The following OSBPL10 variants were observed in gnomAD, a reference collection of about 807,000 sequenced individuals.
OSBPL10 encodes oxysterol-binding protein-related protein 10.
OSBPL10 carries 49 observed loss-of-function variants against 81.7 expected under a neutral mutation model. That is an observed-to-expected ratio of 0.60 (90% confidence interval 0.48 to 0.76). OSBPL10 has a LOEUF of 0.76. Ranked by LOEUF, OSBPL10 falls within the 30% of genes least tolerant of loss-of-function variation. The pLI is 0.00. For missense variants in OSBPL10, 923 were observed against 987.8 expected, an observed-to-expected ratio of 0.93 and a Z score of 0.88; for synonymous variants, 419 against 383.6, an observed-to-expected ratio of 1.09 and a Z score of -1.08.
intron 6 of OSBPL10, among the ~76,000 whole-genome samples, chr3:31,716,538 A>T (rs1211170115): frequency 6.6e-6 from 1 of 152,160 alleles, no homozygotes; most frequent in Non-Finnish European, 1.5e-5. Context: ...TATGAGGAAC[A>T]GCAGAGAAAA....
At chr3:32,073,129 G>A (rs1189158751) in intron 1 of OSBPL10, among the ~76,000 whole-genome samples, 3 of 152,132 alleles carry the variant, frequency 2.0e-5, no homozygotes, top group African/African-American at 4.8e-5. Flanking sequence ...GCCTGTCCTC[G>A]AGACGCTACA....
intron 1 of OSBPL10, among the ~76,000 whole-genome samples, chr3:32,068,383 C>T (rs569933859): frequency 1.1e-4 from 17 of 152,288 alleles, no homozygotes; most frequent in African/African-American, 3.1e-4. Flanking sequence ...TTTGGCTGCT[C>T]ACCCACATTG....
At chr3:32,070,831 A>G (rs1487621165) in intron 1 of OSBPL10, among the ~76,000 whole-genome samples, 1 of 151,920 alleles carries the variant, frequency 6.6e-6, no homozygotes, top group Non-Finnish European at 1.5e-5. Context: ...TTGATCTTAA[A>G]GATGTTTTTT....
At chr3:31,824,501 G>T (rs533861153) in intron 4 of OSBPL10, among the ~76,000 whole-genome samples, 1 of 152,164 alleles carries the variant, frequency 6.6e-6, no homozygotes, top group African/African-American at 2.4e-5. Flanking sequence ...TCTGCTGACC[G>T]ATGGTTGCTA....
intron 4 of OSBPL10, among the ~76,000 whole-genome samples, chr3:31,754,463 A>T (rs1697826729): frequency 6.6e-6 from 1 of 152,164 alleles, no homozygotes; most frequent in Non-Finnish European, 1.5e-5. Context: ...CAATGTTACA[A>T]AGAAAAAGAA....
intron 5 of OSBPL10, among the ~76,000 whole-genome samples, chr3:31,739,512 A>AATGTAG (rs1281513226): frequency 6.6e-6 from 1 of 152,226 alleles, no homozygotes; most frequent in Non-Finnish European, 1.5e-5. Context: ...TGACATAAAA[A>AATGTAG]ATGTAGGGTC....
chr3:31,993,675 CACACAT>C (rs1418788077), intron 2 of OSBPL10, among the ~76,000 whole-genome samples: 37 of 130,554 alleles, frequency 2.8e-4, no homozygotes, highest in African/African-American at 1.4e-3. Context: ...CATGACTACA[CACACAT>C]ACACACACAC....
chr3:32,005,011 G>C (rs1386965140), intron 2 of OSBPL10, among the ~76,000 whole-genome samples: 2 of 152,224 alleles, frequency 1.3e-5, no homozygotes, highest in East Asian at 3.9e-4. Context: ...AAATCATACA[G>C]AAGTGGTATC....
chr3:31,905,935 T>C (rs533189254), intron 1 of OSBPL10, among the ~76,000 whole-genome samples: 3 of 151,348 alleles, frequency 2.0e-5, no homozygotes, highest in Non-Finnish European at 4.4e-5. Flanking sequence ...TGAACAAATA[T>C]ATATTCAGAT....
chr3:31,934,014 A>G (rs777816042), intron 1 of OSBPL10, among the ~76,000 whole-genome samples: 12 of 151,942 alleles, frequency 7.9e-5, no homozygotes, highest in Non-Finnish European at 1.6e-4. Context: ...TTCCCCTACA[A>G]ATTTTCAGAA....
At chr3:31,720,881 C>CAAAAAAAAAAAAAAAAAAAAAAAAAA (rs61492992) in intron 6 of OSBPL10, among the ~76,000 whole-genome samples, 1 of 66,312 alleles carries the variant, frequency 1.5e-5, no homozygotes, top group Non-Finnish European at 2.9e-5. Flanking sequence ...GACTCTGTCT[C>CAAAAAAAAAAAAAAAAAAAAAAAAAA]AAAAAAAAAA....
At chr3:31,795,485 A>G in intron 4 of OSBPL10, 1 of 178,634 alleles carries the variant, frequency 5.6e-6, no homozygotes, top group Non-Finnish European at 1.3e-5. Flanking sequence ...TTGTTCCACC[A>G]GAAGCTTTTC....
At chr3:31,749,905 G>T (rs1355940446) in intron 4 of OSBPL10, among the ~76,000 whole-genome samples, 1 of 150,392 alleles carries the variant, frequency 6.6e-6, no homozygotes, top group African/African-American at 2.4e-5. Context: ...TCCAGGCCGG[G>T]CATGGTGGCT....
At chr3:31,788,189 T>C (rs1654031336) in intron 4 of OSBPL10, among the ~76,000 whole-genome samples, 2 of 152,194 alleles carry the variant, frequency 1.3e-5, no homozygotes, top group Non-Finnish European at 1.5e-5. Flanking sequence ...AATCTGACCC[T>C]GGCAGGGTTA....
chr3:32,076,499 G>A (rs1246839873), intron 1 of OSBPL10, among the ~76,000 whole-genome samples: 1 of 152,070 alleles, frequency 6.6e-6, no homozygotes, highest in South Asian at 2.1e-4. Context: ...ACGGACACGC[G>A]TGACACAACC....
chr3:31,793,523 AT>A (rs1699088448), intron 4 of OSBPL10, among the ~76,000 whole-genome samples: 1 of 152,214 alleles, frequency 6.6e-6, no homozygotes, highest in South Asian at 2.1e-4. Context: ...TTTAAGGAGG[AT>A]GGAAATTATG....
chr3:31,763,226 C>T (rs1422770973), intron 4 of OSBPL10, among the ~76,000 whole-genome samples: 1 of 152,214 alleles, frequency 6.6e-6, no homozygotes, highest in African/African-American at 2.4e-5. Flanking sequence ...ATTTAACACA[C>T]ATCATATAAA....
At chr3:32,020,120 C>A (rs929800491) in intron 2 of OSBPL10, among the ~76,000 whole-genome samples, 4 of 152,200 alleles carry the variant, frequency 2.6e-5, no homozygotes, top group African/African-American at 7.2e-5. Context: ...TAGTTTGTTG[C>A]AGCATTTGAT....
chr3:31,934,240 G>C lies in OSBPL10; in HGVS notation c.281+46659C>G, dbSNP rs147307793. ...GTAACAGCTACTCAGGAGGCTGAGCGGGGGAGGATGGCTTGAGCCTAGGAA... is the reference window on the plus strand; with the variant it reads ...GTAACAGCTACTCAGGAGGCTGAGCCGGGGAGGATGGCTTGAGCCTAGGAA... On this transcript the variant is annotated intron_variant, in intron 1 of 11. Coordinates refer to ENST00000396556, the MANE Select transcript of OSBPL10 (RefSeq NM_017784.5). 2.0e-5 allele frequency among the ~76,000 whole-genome samples: 3 copies of C among 151,908 alleles called. No homozygotes were observed. In the East Asian group the frequency reaches 5.8e-4, roughly 29 times the overall value.
Sources: gnomAD v4.1 joint callset for allele counts (sites outside exome capture counted in the v4.1 genomes callset) on GRCh38, gnomAD v4.1.1 for gene constraint, MANE v1.5 for transcripts, NCBI Gene and HGNC (gene_info 2026-07-23, HGNC 2026-07-21) for gene names.